DNAAF4: variants seen among roughly 807,000 people sequenced by gnomAD.
The protein encoded by DNAAF4 is dynein axonemal assembly factor 4.
In DNAAF4, 43 loss-of-function variants were observed where a neutral mutation model predicts 51.8. The observed-to-expected ratio is 0.83, with a 90% CI of 0.65 to 1.07. The LOEUF is 1.07. Among genes scored for constraint, DNAAF4 ranks in the 50% least tolerant of loss-of-function variants. The pLI, the probability that DNAAF4 is intolerant of heterozygous loss-of-function variation, is 0.00. For missense variants in DNAAF4, 581 were observed against 493.0 expected, an observed-to-expected ratio of 1.18 and a Z score of -1.69; for synonymous variants, 194 against 165.6, an observed-to-expected ratio of 1.17 and a Z score of -1.32.
At chr15:55,504,552 T>C (rs967031767) in intron 1 of DNAAF4, among the ~76,000 whole-genome samples, 2 of 152,184 alleles carry the variant, frequency 1.3e-5, no homozygotes, top group Admixed American at 6.5e-5. Context: ...CAAAACAGCA[T>C]GGCACTGGTA....
chr15:55,498,173 C>A (rs761097434), intron 2 of DNAAF4, 34 bp downstream of exon 2: 1 of 1,613,960 alleles, frequency 6.2e-7, no homozygotes, highest in Non-Finnish European at 8.5e-7. Flanking sequence ...GGACCACACC[C>A]CCGGAGACCG....
intron 5 of DNAAF4, among the ~76,000 whole-genome samples, chr15:55,453,110 C>T (rs1168581190): frequency 1.3e-5 from 2 of 152,170 alleles, no homozygotes; most frequent in East Asian, 3.8e-4. Context: ...CAGGCATGAG[C>T]CACCGTGCCC....
At chr15:55,418,925 T>TG (rs1320822812) in intron 7 of DNAAF4, among the ~76,000 whole-genome samples, 11 of 4,854 alleles carry the variant, frequency 2.3e-3, no homozygotes, top group African/African-American at 2.5e-3. Flanking sequence ...TTTCACACTT[T>TG]TTTTTTTTTT....
chr15:55,479,669 C>A (rs1205706791), intron 4 of DNAAF4, among the ~76,000 whole-genome samples: 1 of 152,126 alleles, frequency 6.6e-6, no homozygotes, highest in Non-Finnish European at 1.5e-5. Context: ...TCGCTAAATT[C>A]TTTTCCTAGC....
rs895093846 is a variant in DNAAF4, at chr15:55,471,462, G to A, written c.406-4301C>T. Among the ~76,000 whole-genome samples the A allele has an allele frequency of 2.6e-5, 4 of 151,828 alleles. No homozygotes were observed. The East Asian group carries it at 7.7e-4, about 29-fold the overall frequency. ...GCTCTATGCTAATAACAAGAGGCAGGGACCAAATATATATTTTTTATGATG... is the reference window on the plus strand; with the variant it reads ...GCTCTATGCTAATAACAAGAGGCAGAGACCAAATATATATTTTTTATGATG... On this transcript the variant is annotated intron_variant, in intron 4 of 9. Transcript: ENST00000321149.
chr15:55,429,247 C>T (rs954417507), downstream of DNAAF4, among the ~76,000 whole-genome samples: 8 of 151,698 alleles, frequency 5.3e-5, no homozygotes, highest in East Asian at 1.9e-4. Context: ...AGGCCGGGCG[C>T]GGTGGCTCAT....
At chr15:55,419,637 C>T (rs1030538282) in intron 7 of DNAAF4, among the ~76,000 whole-genome samples, 3 of 152,044 alleles carry the variant, frequency 2.0e-5, no homozygotes, top group Non-Finnish European at 2.9e-5. Context: ...TTTTGAACCC[C>T]GACTGATGGC....
rs1172409152 is a variant in DNAAF4, at chr15:55,498,451, C to T, written c.-122G>A. On this transcript the variant is annotated 5_prime_UTR_variant, in exon 2 of 10. Transcript: ENST00000321149. ...TCAGGCCGGCCGGGAGCCCGGCGTT[C>T]CCAGCGTGCTCCGGCGCCAGCACCT... 7.0e-7 allele frequency: 1 copy of T among 1,437,918 alleles called. No individual in the cohort carries two copies. Among genetic ancestry groups the T allele is most frequent in the Non-Finnish European group, 9.2e-7 (1 of 1,088,838 alleles). 89.1% of individuals were successfully genotyped at this position (1,437,918 alleles called of 1,614,324 possible).
At chr15:55,454,085 G>C (rs1252148250) in intron 5 of DNAAF4, among the ~76,000 whole-genome samples, 1 of 151,860 alleles carries the variant, frequency 6.6e-6, no homozygotes, top group Non-Finnish European at 1.5e-5. Flanking sequence ...TAGATCGCTT[G>C]AGGTCAGGAA....
chr15:55,467,384 C>A (rs758484831), intron 4 of DNAAF4, among the ~76,000 whole-genome samples: 14 of 152,122 alleles, frequency 9.2e-5, no homozygotes, highest in Non-Finnish European at 2.1e-4. Flanking sequence ...AGTCCCAGAT[C>A]TACCATTAGC....
chr15:55,432,421 A>G, intron 9 of DNAAF4, 76 bp downstream of exon 9: 3 of 1,209,782 alleles, frequency 2.5e-6, no homozygotes, highest in Non-Finnish European at 3.5e-6. Flanking sequence ...CTTAAAAGTC[A>G]CGATCTTAAA....
intron 5 of DNAAF4, among the ~76,000 whole-genome samples, chr15:55,463,982 A>C (rs1394755568): frequency 1.3e-5 from 2 of 152,196 alleles, no homozygotes; most frequent in Non-Finnish European, 2.9e-5. Flanking sequence ...AGAACAAAAA[A>C]AGAGCCCATA....
intron 4 of DNAAF4, among the ~76,000 whole-genome samples, 198 bp from the exon 5 acceptor site, chr15:55,467,359 T>C (rs2058185542): frequency 6.6e-6 from 1 of 152,166 alleles, no homozygotes; most frequent in Non-Finnish European, 1.5e-5. Flanking sequence ...GTTGGAGTCA[T>C]GGAACAAAGA....
intron 4 of DNAAF4, among the ~76,000 whole-genome samples, chr15:55,481,742 G>A (rs913543268): frequency 6.6e-6 from 1 of 152,188 alleles, no homozygotes; most frequent in African/African-American, 2.4e-5. Flanking sequence ...GCAGAACAGG[G>A]TCTGGAACAG....
intron 3 of DNAAF4, among the ~76,000 whole-genome samples, chr15:55,492,384 G>GTTC: frequency 6.6e-6 from 1 of 151,952 alleles, no homozygotes; most frequent in Non-Finnish European, 1.5e-5. Context: ...CCAGGCATGG[G>GTTC]TTCTTAACCT....
At chr15:55,433,884 TTA>T (rs1166771077) in intron 8 of DNAAF4, among the ~76,000 whole-genome samples, 64 of 29,844 alleles carry the variant, frequency 2.1e-3, no homozygotes, top group South Asian at 7.6e-3. Context: ...ATTACATATA[TTA>T]TATATATATT....
intron 7 of DNAAF4, chr15:55,418,328 C>A: frequency 1.3e-6 from 2 of 1,543,040 alleles, no homozygotes. Flanking sequence ...TATGTTGGAT[C>A]CAAAGACACT....
intron 7 of DNAAF4, among the ~76,000 whole-genome samples, chr15:55,424,042 A>C (rs1208606514): frequency 6.6e-6 from 1 of 152,192 alleles, no homozygotes; most frequent in Non-Finnish European, 1.5e-5. Flanking sequence ...GTAAGCCTAC[A>C]TCACACTACT....
chr15:55,487,478 CA>C (rs1394450789), intron 4 of DNAAF4, among the ~76,000 whole-genome samples: 14 of 152,316 alleles, frequency 9.2e-5, no homozygotes, highest in African/African-American at 3.4e-4. Context: ...CCACCCCAGC[CA>C]GCAGCGGCAA....
Sources: allele counts gnomAD v4.1 joint callset (sites outside exome capture counted in the v4.1 genomes callset), GRCh38; gene constraint gnomAD v4.1.1; transcripts MANE v1.5; gene names NCBI Gene and HGNC (gene_info 2026-07-23, HGNC 2026-07-21).